Variants in TXLNB observed in about 807,000 individuals in gnomAD.
TXLNB encodes the protein beta-taxilin.
TXLNB carries 37 observed loss-of-function variants against 57.4 expected under a neutral mutation model. The observed-to-expected ratio is 0.64, with a 90% CI of 0.50 to 0.85. TXLNB has a LOEUF of 0.85. Ranked by LOEUF, TXLNB falls within the 40% of genes least tolerant of loss-of-function variation. TXLNB has a pLI of 0.00. For synonymous variants in TXLNB, 302 were observed against 309.6 expected, an observed-to-expected ratio of 0.98 and a Z score of 0.26; for missense variants, 848 against 825.6, an observed-to-expected ratio of 1.03 and a Z score of -0.33.
intron 4 of TXLNB, among the ~76,000 whole-genome samples, chr6:139,265,145 TATTA>T (rs1295658952): frequency 6.6e-6 from 1 of 152,160 alleles, no homozygotes; most frequent in Admixed American, 6.6e-5. Flanking sequence ...ATCAGTGAAT[TATTA>T]ATTTATGTAC....
chr6:139,246,844 G>A (rs1776077337), intron 8 of TXLNB, among the ~76,000 whole-genome samples: 2 of 151,524 alleles, frequency 1.3e-5, no homozygotes, highest in South Asian at 2.1e-4. Context: ...AACCCGGAAG[G>A]CAGAGGTTGC....
chr6:139,250,357 C>CTTTTTTTTTTT (rs61441759), intron 7 of TXLNB, among the ~76,000 whole-genome samples: 1 of 118,892 alleles, frequency 8.4e-6, no homozygotes, highest in African/African-American at 3.3e-5. Context: ...TTCTTTCTTT[C>CTTTTTTTTTTT]TTTTTTTTTT....
chr6:139,259,823 G>A (rs184206310), intron 6 of TXLNB, among the ~76,000 whole-genome samples: 1 of 152,292 alleles, frequency 6.6e-6, no homozygotes, highest in East Asian at 1.9e-4. Context: ...ACTATTTTAT[G>A]TAGAAAGTAG....
intron 5 of TXLNB, 113 bp from the exon 6 acceptor site, chr6:139,260,550 G>C: frequency 8.4e-7 from 1 of 1,193,702 alleles, no homozygotes; most frequent in Non-Finnish European, 1.2e-6. Context: ...TTTAAAAGAA[G>C]AGAGGGATAA....
At chr6:139,317,816 A>T in the TXLNB span, among the ~76,000 whole-genome samples, 3 of 152,358 alleles carry the variant, frequency 2.0e-5, no homozygotes, top group Non-Finnish European at 4.4e-5. Context: ...AATACAAATA[A>T]TCAAAATTAA....
At position 139,242,877 on chromosome 6, in the gene TXLNB, G is replaced by A. The variant is rs752671308; in HGVS notation, c.1704C>T (p.Gly568=). ...CCTTGGAGGGAGGTTCAGCATCACTGCCTCCTTCGGCTTCAGCCTGAGGAG... is the reference window on the plus strand; with the variant it reads ...CCTTGGAGGGAGGTTCAGCATCACTACCTCCTTCGGCTTCAGCCTGAGGAG... ...PLTPQAEAEG[G]SDAEPPSKAS... is the part of the protein sequence containing the mutation. The change falls in exon 10 of 10, where the codon GGC becomes GGT. Residue 568 remains glycine (G), a synonymous_variant. Coordinates refer to ENST00000358430, the MANE Select transcript of TXLNB (RefSeq NM_153235.4). 1.2e-6 allele frequency: 2 copies of A among 1,614,140 alleles called. No individual in the cohort carries two copies. Among genetic ancestry groups the A allele is most frequent in the Admixed American group, 3.3e-5 (2 of 60,026 alleles).
the TXLNB span, among the ~76,000 whole-genome samples, chr6:139,189,138 C>A: frequency 6.6e-6 from 1 of 152,202 alleles, no homozygotes; most frequent in Non-Finnish European, 1.5e-5. Flanking sequence ...AGTAAGCAAT[C>A]ATATGATGTG....
chr6:139,293,446 A>G (rs1336036852), upstream of TXLNB, among the ~76,000 whole-genome samples: 2 of 151,922 alleles, frequency 1.3e-5, no homozygotes, highest in Non-Finnish European at 2.9e-5. Context: ...GCAGAAAAGG[A>G]GATTTGATGA....
At chr6:139,170,282 C>G in the TXLNB span, 3 of 152,172 alleles carry the variant, frequency 2.0e-5, no homozygotes, top group Non-Finnish European at 4.4e-5. Flanking sequence ...ATCAAACTTA[C>G]GGATATCACA....
At chr6:139,228,966 C>T in the TXLNB span, among the ~76,000 whole-genome samples, 3 of 152,166 alleles carry the variant, frequency 2.0e-5, no homozygotes, top group Non-Finnish European at 4.4e-5. Context: ...AGGCCCGTCT[C>T]CTGAGGCCAG....
the TXLNB span, among the ~76,000 whole-genome samples, chr6:139,318,548 G>A: frequency 6.6e-6 from 1 of 151,370 alleles, no homozygotes; most frequent in Non-Finnish European, 1.5e-5. Context: ...AGGTACCAAG[G>A]TGTGTACCTT....
At chr6:139,219,509 G>A in the TXLNB span, among the ~76,000 whole-genome samples, 1 of 152,226 alleles carries the variant, frequency 6.6e-6, no homozygotes, top group African/African-American at 2.4e-5. Context: ...CCCATTATCA[G>A]TGCGGTGGCA....
the TXLNB span, among the ~76,000 whole-genome samples, chr6:139,219,774 C>A: frequency 3.4e-5 from 5 of 149,142 alleles, no homozygotes; most frequent in African/African-American, 1.3e-4. Flanking sequence ...ATCTTGAAAC[C>A]AAGTCAGCAA....
At chr6:139,253,280 A>G (rs773652449) in intron 7 of TXLNB, among the ~76,000 whole-genome samples, 1 of 152,250 alleles carries the variant, frequency 6.6e-6, no homozygotes, top group Non-Finnish European at 1.5e-5. Flanking sequence ...CATATATTAC[A>G]TATGCATTAA....
the TXLNB span, among the ~76,000 whole-genome samples, chr6:139,224,884 G>GT: frequency 6.6e-6 from 1 of 151,988 alleles, no homozygotes; most frequent in Admixed American, 6.6e-5. Context: ...CAAGAACGTT[G>GT]TAAAAAAAGA....
chr6:139,217,801 G>A, the TXLNB span, among the ~76,000 whole-genome samples: 9 of 150,334 alleles, frequency 6.0e-5, no homozygotes, highest in South Asian at 2.1e-4. Flanking sequence ...CCTGGGAGGC[G>A]GAGGTGGCAG....
chr6:139,209,024 C>A, the TXLNB span, among the ~76,000 whole-genome samples: 3 of 152,072 alleles, frequency 2.0e-5, no homozygotes, highest in Non-Finnish European at 4.4e-5. Context: ...ATGACATGAT[C>A]GTATATCTAG....
At chr6:139,311,171 T>C in the TXLNB span, among the ~76,000 whole-genome samples, 2 of 152,242 alleles carry the variant, frequency 1.3e-5, no homozygotes, top group South Asian at 2.1e-4. Flanking sequence ...TCTCTGCCTA[T>C]GCTGCACTTT....
At chr6:139,190,871 G>A in the TXLNB span, among the ~76,000 whole-genome samples, 2 of 152,270 alleles carry the variant, frequency 1.3e-5, no homozygotes, top group South Asian at 4.1e-4. Context: ...ATTTGCAGGA[G>A]GAGGCACAAG....
Sources: allele counts gnomAD v4.1 joint callset (sites outside exome capture counted in the v4.1 genomes callset), GRCh38; gene constraint gnomAD v4.1.1; transcripts MANE v1.5; gene names NCBI Gene and HGNC (gene_info 2026-07-23, HGNC 2026-07-21).